SLC5A10: variants seen among roughly 807,000 people sequenced by gnomAD.
The protein encoded by SLC5A10 is solute carrier family 5 member 10.
SLC5A10 carries 55 observed loss-of-function variants against 68.9 expected under a neutral mutation model. The ratio of observed to expected loss-of-function variants is 0.80; its 90% CI spans 0.64 to 1.00. The LOEUF (loss-of-function observed/expected upper bound fraction) is 1.00. Among genes scored for constraint, SLC5A10 ranks in the 50% least tolerant of loss-of-function variants. The probability of loss-of-function intolerance (pLI) is 0.00; values close to 1 mark genes in which losing one functional copy is unlikely to be tolerated. For missense variants in SLC5A10, 732 were observed against 819.3 expected (o/e 0.89, Z 1.30); for synonymous variants, 344 against 344.8 (o/e 1.00, Z 0.02).
chr17:19,019,429 CAT>C lies in SLC5A10; in HGVS notation c.1250_1251del (p.Ile417SerfsTer127). ...GCCTTCCACTCGCCTGCAGGCTGGT[CAT>C]AGTGGCACTCATCGGCGTGAGTGTG... Reference protein sequence around the residue: ...RELLLVGRLVIVALIGVSVAW... With the variant: ...RELLLVGRLVXVALIGVSVAW... On this transcript the variant is annotated frameshift_variant, in exon 12 of 15. Coordinates refer to ENST00000395645, the MANE Select transcript of SLC5A10 (RefSeq NM_001042450.4). LOFTEE classifies it high-confidence loss of function. 1 of 1,610,008 alleles carries C rather than the reference CAT, an allele frequency of 6.2e-7. No individual in the cohort carries two copies. The highest frequency in any genetic ancestry group is 2.2e-5 in the East Asian group (1 of 44,864).
In SLC5A10 at chr17:18,988,386, G is replaced by C. The variant is rs138389504; in HGVS notation, c.982+11397G>C. 1.7e-5 allele frequency: 27 copies of C among 1,614,196 alleles called. No homozygotes were observed. In the East Asian group the frequency reaches 3.8e-4, roughly 23 times the overall value. On this transcript the variant is annotated intron_variant, in intron 9 of 14. Coordinates refer to ENST00000395645, the MANE Select transcript of SLC5A10 (RefSeq NM_001042450.4). The stretch of plus-strand genomic sequence containing the variant: ...CAGGTCCTTGAAGATGTCCACGTCG[G>C]TGAACATGTCCATGACCACAGCTAT...
Position 19,022,395 on chromosome 17 carries a change from T to C in SLC5A10, c.*1964T>C. On this transcript the variant is annotated 3_prime_UTR_variant, in exon 15 of 15. Coordinates refer to ENST00000395645, the MANE Select transcript of SLC5A10 (RefSeq NM_001042450.4). Reference sequence around the variant, plus strand: ...TTTCCCAGCCGCCCAGCTGGGACAATAGGGCTGGTGGGTCAGGGGACCTGA... The same window carrying C: ...TTTCCCAGCCGCCCAGCTGGGACAACAGGGCTGGTGGGTCAGGGGACCTGA... The C allele has an allele frequency of 5.2e-6, 2 of 384,436 alleles. No homozygotes were observed. Among genetic ancestry groups the C allele is most frequent in the Non-Finnish European group, 9.2e-6 (2 of 216,828 alleles). The allele number at this position is 384,436 out of a possible 1,614,324, so 23.8% of individuals were successfully genotyped here. A position where few individuals can be genotyped will look rare whatever the true frequency, so the allele number is the denominator to read the frequency against.
At chr17:18,989,765 C>A (rs1283940829) in intron 9 of SLC5A10, among the ~76,000 whole-genome samples, 2 of 152,252 alleles carry the variant, frequency 1.3e-5, no homozygotes, top group Non-Finnish European at 2.9e-5. Context: ...CTCTCACAGG[C>A]ACCATGGTGG....
At chr17:18,984,470 C>T (rs80213747) in intron 9 of SLC5A10, among the ~76,000 whole-genome samples, 101 of 152,312 alleles carry the variant, frequency 6.6e-4, no homozygotes, top group East Asian at 1.4e-3. Context: ...AGGGCTGGGT[C>T]GTGCCTGTCC....
intron 9 of SLC5A10, among the ~76,000 whole-genome samples, chr17:18,980,501 C>T (rs1488508624): frequency 2.0e-5 from 3 of 152,144 alleles, no homozygotes; most frequent in Non-Finnish European, 2.9e-5. Context: ...CCGGCCTTTT[C>T]CTGGACCCTG....
upstream of SLC5A10, chr17:18,952,020 A>C: frequency 1.0e-6 from 1 of 958,596 alleles, no homozygotes; most frequent in Non-Finnish European, 1.5e-6. Context: ...TCTGCACCCC[A>C]CCATGGGGTG....
chr17:18,986,111 T>G (rs573486933), intron 9 of SLC5A10: 2 of 152,394 alleles, frequency 1.3e-5, no homozygotes, highest in Admixed American at 1.3e-4. Flanking sequence ...GTGAGCCGTG[T>G]GGGCAGCACC....
chr17:18,988,596 A>G (rs1246156314), intron 9 of SLC5A10, among the ~76,000 whole-genome samples: 1 of 152,194 alleles, frequency 6.6e-6, no homozygotes, highest in Admixed American at 6.5e-5. Context: ...CTTGCCCTGA[A>G]GTTCTAGTTG....
rs118113682 is a variant in SLC5A10 at position 19,005,781 on chromosome 17, T to C, written c.983-7629T>C. On this transcript the variant is annotated intron_variant, in intron 9 of 14. Coordinates refer to ENST00000395645, the MANE Select transcript of SLC5A10 (RefSeq NM_001042450.4). Reference sequence around the variant, plus strand: ...GTCCCCATCACTGACCCCTCAAGCATGAAGTCCTACACTCTGCCATATAGC... The same window carrying C: ...GTCCCCATCACTGACCCCTCAAGCACGAAGTCCTACACTCTGCCATATAGC... Among the ~76,000 whole-genome samples, 7 of 152,220 alleles carry C rather than the reference T, an allele frequency of 4.6e-5. No homozygotes were observed. In the East Asian group the frequency reaches 1.4e-3, roughly 29 times the overall value.
Position 19,019,573 on chromosome 17 carries a change from G to T in SLC5A10, c.1392G>T (p.Trp464Cys). Residue 464 changes from tryptophan (W) to cysteine (C), a missense_variant, in exon 12 of 15, where the codon TGG becomes TGT. Physicochemically the swap from Trp to Cys is radical, Grantham distance 215 (BLOSUM62 -2). Transcript: ENST00000395645. Reference sequence around the variant, plus strand: ...CAGTCTTTGTCCTGGGCGTCTTCTGGCGACGTGCCAACGAGCAGGTGGGCG... The same window carrying T: ...CAGTCTTTGTCCTGGGCGTCTTCTGTCGACGTGCCAACGAGCAGGTGGGCG... ...VTAVFVLGVF[W>C]RRANEQGAFW... 3 of 1,611,748 alleles carry T rather than the reference G, an allele frequency of 1.9e-6. No individual in the cohort carries two copies. The highest frequency in any genetic ancestry group is 2.5e-6 in the Non-Finnish European group (3 of 1,179,930).
At chr17:18,994,253 A>C (rs2043506456) in intron 9 of SLC5A10, among the ~76,000 whole-genome samples, 1 of 152,256 alleles carries the variant, frequency 6.6e-6, no homozygotes, top group Non-Finnish European at 1.5e-5. Flanking sequence ...GGCTTCAATC[A>C]GCACAGCGAT....
At chr17:18,979,283 C>T (rs2043068808) in intron 9 of SLC5A10, 1 of 518,546 alleles carries the variant, frequency 1.9e-6, no homozygotes, top group South Asian at 2.3e-5. Flanking sequence ...CAGAGTGACC[C>T]CCATAGGCTT....
At position 18,968,965 on chromosome 17, in the gene SLC5A10, G is replaced by A. The variant is rs2042768711; in HGVS notation, c.454-87G>A. On this transcript the variant is annotated intron_variant, in intron 5 of 14. Transcript: ENST00000395645. The surrounding 1 kb of genome is among the most constrained non-coding windows in gnomAD (Gnocchi z 4.1). ...CTTATCCACAGGCCACCGAGGCCCAGAGAGGGCCTTGCCCGAGGTCACCCA... is the reference window on the plus strand; with the variant it reads ...CTTATCCACAGGCCACCGAGGCCCAAAGAGGGCCTTGCCCGAGGTCACCCA... The A allele has an allele frequency of 7.5e-7, 1 of 1,328,640 alleles. No individual in the cohort carries two copies. Among genetic ancestry groups the A allele is most frequent in the Admixed American group, 2.2e-5 (1 of 44,656 alleles). 82.3% of individuals were successfully genotyped at this position (1,328,640 alleles called of 1,614,324 possible).
In SLC5A10 at chr17:18,971,737, A is replaced by C. The variant is rs756918610; in HGVS notation, c.846+519A>C. The C allele has an allele frequency of 1.3e-6, 2 of 1,568,102 alleles. No homozygotes were observed. The highest frequency in any genetic ancestry group is 1.4e-5 in the African/African-American group (1 of 73,750). ...CTGAGGCAGGGACCCTGTGATGATGAAACTGCTGGCCCTGGGAGAGAGAGA... is the reference window on the plus strand; with the variant it reads ...CTGAGGCAGGGACCCTGTGATGATGCAACTGCTGGCCCTGGGAGAGAGAGA... On this transcript the variant is annotated intron_variant, in intron 8 of 14. Coordinates refer to ENST00000395645, the MANE Select transcript of SLC5A10 (RefSeq NM_001042450.4). This position sits in a 1 kb window ranked among gnomAD's most constrained non-coding sequence, Gnocchi z 5.5.
intron 9 of SLC5A10, among the ~76,000 whole-genome samples, chr17:18,980,554 T>G (rs1293051678): frequency 2.6e-5 from 4 of 152,112 alleles, no homozygotes; most frequent in Admixed American, 2.6e-4. Flanking sequence ...TCTCTGGAGC[T>G]GCCAAGGGCC....
rs144997366 is a variant in SLC5A10, at chr17:18,958,744, G to A, written c.174G>A (p.Thr58=). The A allele has an allele frequency of 2.2e-5, 36 of 1,614,048 alleles. 1 individual carries two copies. Among genetic ancestry groups the A allele is most frequent in the South Asian group, 2.2e-4 (20 of 91,082 alleles). ...NGYFLAGRDM[T]WWPIGASLFA... ...ACTTCCTGGCAGGCCGGGACATGAC[G>A]TGGTGGCCGGTGAGTGCACCCTGAC... Residue 58 remains threonine, a synonymous_variant, in exon 2 of 15, where the codon ACG becomes ACA. Coordinates refer to ENST00000395645, the MANE Select transcript of SLC5A10 (RefSeq NM_001042450.4).
At chr17:18,979,729 C>T (rs532704975) in intron 9 of SLC5A10, 42 of 1,599,490 alleles carry the variant, frequency 2.6e-5, no homozygotes, top group South Asian at 3.3e-5. Flanking sequence ...CCACACAGGG[C>T]GAGGGGAGGA....
At chr17:19,005,072 C>T (rs2043846082) in intron 9 of SLC5A10, among the ~76,000 whole-genome samples, 1 of 152,194 alleles carries the variant, frequency 6.6e-6, no homozygotes, top group African/African-American at 2.4e-5. Context: ...CTGGATCAAC[C>T]CTGGCTGTGC....
chr17:18,973,872 AT>A (rs1460776287), intron 8 of SLC5A10, among the ~76,000 whole-genome samples: 7 of 73,214 alleles, frequency 9.6e-5, no homozygotes, highest in African/African-American at 2.5e-4. Flanking sequence ...TAATTTTTGT[AT>A]TTTTTTTTAA....
Sources: allele counts gnomAD v4.1 joint callset (sites outside exome capture counted in the v4.1 genomes callset), GRCh38; gene constraint gnomAD v4.1.1; non-coding constraint Gnocchi (gnomAD v3.1); transcripts MANE v1.5; gene names NCBI Gene and HGNC (gene_info 2026-07-23, HGNC 2026-07-21).